ASIC2: variants seen among roughly 807,000 people sequenced by gnomAD.
ASIC2 encodes the protein acid-sensing ion channel 2.
ASIC2 carries 25 observed loss-of-function variants against 57.3 expected under a neutral mutation model. The ratio of observed to expected loss-of-function variants is 0.44; its 90% CI spans 0.32 to 0.61. The LOEUF (loss-of-function observed/expected upper bound fraction) is 0.61, where lower values mean the gene tolerates loss of function less well. ASIC2 is among the 20% of genes least tolerant of loss of function. ASIC2 has a pLI of 0.06. For synonymous variants in ASIC2, 319 were observed against 307.5 expected (o/e 1.04, Z -0.39); for missense variants, 641 against 738.1 (o/e 0.87, Z 1.52).
chr17:33,111,150 C>A (rs983254700), intron 2 of ASIC2, among the ~76,000 whole-genome samples: 2 of 152,180 alleles, frequency 1.3e-5, no homozygotes, highest in African/African-American at 2.4e-5. Flanking sequence ...ATGAAGACTT[C>A]TGTGATTACA....
At chr17:33,869,179 T>G (rs891469807) in intron 1 of ASIC2, among the ~76,000 whole-genome samples, 1 of 152,120 alleles carries the variant, frequency 6.6e-6, no homozygotes, top group Non-Finnish European at 1.5e-5. Context: ...TAGCTATCAG[T>G]AAAATGCACA....
intron 1 of ASIC2, among the ~76,000 whole-genome samples, chr17:33,883,614 C>T (rs1350281393): frequency 6.6e-6 from 1 of 152,170 alleles, no homozygotes; most frequent in Non-Finnish European, 1.5e-5. Flanking sequence ...CTTCTCAGCC[C>T]CAGATGCACA....
chr17:33,186,150 T>C (rs1325128431), intron 1 of ASIC2, among the ~76,000 whole-genome samples: 1 of 152,150 alleles, frequency 6.6e-6, no homozygotes, highest in East Asian at 1.9e-4. Context: ...TCGCTTTGTT[T>C]CCCAGGCTGG....
At chr17:33,579,767 G>C (rs529428714) in intron 1 of ASIC2, among the ~76,000 whole-genome samples, 1 of 152,282 alleles carries the variant, frequency 6.6e-6, no homozygotes, top group South Asian at 2.1e-4. Context: ...AACTCATTCA[G>C]AAGAGCAAAA....
At chr17:33,395,089 A>T (rs1910029106) in intron 1 of ASIC2, among the ~76,000 whole-genome samples, 1 of 149,546 alleles carries the variant, frequency 6.7e-6, no homozygotes, top group Non-Finnish European at 1.5e-5. Flanking sequence ...TTATAATTTC[A>T]TTCATCTTTC....
intron 1 of ASIC2, among the ~76,000 whole-genome samples, chr17:33,322,921 T>C (rs1906925894): frequency 6.6e-6 from 1 of 152,110 alleles, no homozygotes; most frequent in Non-Finnish European, 1.5e-5. Context: ...GAGTCAGAGA[T>C]ATCTGAACAA....
chr17:33,306,290 A>G (rs1906169973), intron 1 of ASIC2, among the ~76,000 whole-genome samples: 1 of 152,178 alleles, frequency 6.6e-6, no homozygotes, highest in Non-Finnish European at 1.5e-5. Flanking sequence ...GTCAGAAGCT[A>G]ATGTGTCCTG....
chr17:33,130,907 C>A (rs896308833), intron 1 of ASIC2, among the ~76,000 whole-genome samples: 1 of 152,158 alleles, frequency 6.6e-6, no homozygotes, highest in Non-Finnish European at 1.5e-5. Flanking sequence ...GAGCCAGTGA[C>A]AACATGAGAT....
intron 1 of ASIC2, among the ~76,000 whole-genome samples, chr17:33,374,069 C>G (rs752040135): frequency 6.6e-6 from 1 of 152,120 alleles, no homozygotes; most frequent in Non-Finnish European, 1.5e-5. Flanking sequence ...GATCTTGGCT[C>G]GCTGCAACCA....
At chr17:33,520,660 G>A (rs1914712837) in intron 1 of ASIC2, among the ~76,000 whole-genome samples, 1 of 152,228 alleles carries the variant, frequency 6.6e-6, no homozygotes, top group Non-Finnish European at 1.5e-5. Context: ...CTTACCCACG[G>A]ACAGGGCCCC....
rs114773774 is a variant in ASIC2, at chr17:33,357,444, G to A, written c.556-245377C>T. ...TTAAATTTGCTCCAGTAGATCTTAG[G>A]CAGTTAGTTATTTCCTTGAGCTCAG... On this transcript the variant is annotated intron_variant, in intron 1 of 9. Transcript: ENST00000359872. Among the ~76,000 whole-genome samples the A allele has an allele frequency of 2.9e-4, 44 of 152,232 alleles. 1 individual carries two copies. The highest frequency in any genetic ancestry group is 9.4e-4 in the African/African-American group (39 of 41,538).
chr17:33,108,580 T>C (rs535353420), intron 2 of ASIC2, among the ~76,000 whole-genome samples: 36 of 152,206 alleles, frequency 2.4e-4, no homozygotes, highest in Non-Finnish European at 4.7e-4. Flanking sequence ...CCTCCCATCC[T>C]TCAACAGATG....
chr17:33,682,021 G>A (rs886417273), intron 1 of ASIC2, among the ~76,000 whole-genome samples: 1 of 151,310 alleles, frequency 6.6e-6, no homozygotes, highest in African/African-American at 2.4e-5. Context: ...TGACTCCACA[G>A]TCAGGGGCCA....
In ASIC2 at chr17:33,690,857, C is replaced by G. The variant is rs1597836887; in HGVS notation, c.555+465121G>C. Among the ~76,000 whole-genome samples the G allele has an allele frequency of 4.8e-5, 7 of 146,870 alleles. 1 individual carries two copies. In the Admixed American group the frequency reaches 4.9e-4, roughly 10 times the overall value. ...CTCCACCTCCCAGATTCACGCCATT[C>G]TCCTGCCTCAGCCTCCCAAGTAGCT... On this transcript the variant is annotated intron_variant, in intron 1 of 9. Transcript: ENST00000359872.
At chr17:34,101,030 G>C (rs1910845556) in intron 1 of ASIC2, among the ~76,000 whole-genome samples, 1 of 152,166 alleles carries the variant, frequency 6.6e-6, no homozygotes, top group South Asian at 2.1e-4. Context: ...GTTTCTGTTA[G>C]GATAAAATGA....
intron 3 of ASIC2, among the ~76,000 whole-genome samples, chr17:33,056,362 A>G (rs1334248959): frequency 6.6e-6 from 1 of 152,236 alleles, no homozygotes; most frequent in African/African-American, 2.4e-5. Flanking sequence ...AAAGTGTCCA[A>G]GTTAAAAATG....
chr17:33,612,842 T>C (rs902678271), intron 1 of ASIC2, among the ~76,000 whole-genome samples: 2 of 152,236 alleles, frequency 1.3e-5, no homozygotes, highest in Non-Finnish European at 2.9e-5. Context: ...TTATTTGTTA[T>C]TACAGCATGG....
In ASIC2 at chr17:34,031,773, T is replaced by G. The variant is rs890525681; in HGVS notation, c.555+124205A>C. Among the ~76,000 whole-genome samples the G allele has an allele frequency of 6.6e-5, 10 of 152,024 alleles. 1 individual carries two copies. Among genetic ancestry groups the G allele is most frequent in the Middle Eastern group, 3.4e-3 (1 of 294 alleles). ...AAGAAAGGGTATCAGTGATGGAAGATGAAATGAATGAAATGAAGCGAGAAG... is the reference window on the plus strand; with the variant it reads ...AAGAAAGGGTATCAGTGATGGAAGAGGAAATGAATGAAATGAAGCGAGAAG... On this transcript the variant is annotated intron_variant, in intron 1 of 9. Coordinates refer to the ASIC2 transcript ENST00000359872.
chr17:33,878,798 A>G (rs941525571), intron 1 of ASIC2, among the ~76,000 whole-genome samples: 3 of 152,218 alleles, frequency 2.0e-5, no homozygotes, highest in South Asian at 4.1e-4. Flanking sequence ...TCCAAGACAC[A>G]TAATTGTCAG....
Sources: allele counts gnomAD v4.1 joint callset (sites outside exome capture counted in the v4.1 genomes callset), GRCh38; gene constraint gnomAD v4.1.1; transcripts MANE v1.5; gene names NCBI Gene and HGNC (gene_info 2026-07-23, HGNC 2026-07-21).